ATP4B: variants seen among roughly 807,000 people sequenced by gnomAD.
ATP4B encodes the protein potassium-transporting ATPase subunit beta.
A neutral mutation model predicts 35.3 loss-of-function variants in ATP4B; 27 were observed. The ratio of observed to expected loss-of-function variants is 0.76; its 90% CI spans 0.56 to 1.05. ATP4B has a LOEUF of 1.05. Among genes scored for constraint, ATP4B ranks in the 50% least tolerant of loss-of-function variants. The probability of loss-of-function intolerance (pLI) is 0.00; values close to 1 mark genes in which losing one functional copy is unlikely to be tolerated. For missense variants in ATP4B, 375 were observed against 384.8 expected, an observed-to-expected ratio of 0.97 and a Z score of 0.21; for synonymous variants, 162 against 156.0, an observed-to-expected ratio of 1.04 and a Z score of -0.29.
At chr13:113,656,817 G>T (rs1166324982) in intron 1 of ATP4B, among the ~76,000 whole-genome samples, 1 of 152,120 alleles carries the variant, frequency 6.6e-6, no homozygotes. Context: ...CAGCCAGGAG[G>T]CGGCACATGG....
Position 113,649,300 on chromosome 13 carries a change from G to T in ATP4B, c.*74C>A, listed in dbSNP as rs2049693297. On this transcript the variant is annotated 3_prime_UTR_variant, in exon 7 of 7. Transcript: ENST00000335288. The surrounding 1 kb of genome is among the most constrained non-coding windows in gnomAD (Gnocchi z 4.7). ...GGATGATTTGGCAGGGAACTGACGGGCAAGGTAAGCCCAACCAGGAGGGTG... is the reference window on the plus strand; with the variant it reads ...GGATGATTTGGCAGGGAACTGACGGTCAAGGTAAGCCCAACCAGGAGGGTG... 1.3e-6 allele frequency: 2 copies of T among 1,504,370 alleles called. No individual in the cohort carries two copies. Among genetic ancestry groups the T allele is most frequent in the Non-Finnish European group, 8.9e-7 (1 of 1,118,020 alleles). 93.2% of individuals were successfully genotyped at this position (1,504,370 alleles called of 1,614,324 possible).
chr13:113,656,068 G>A (rs747080632), intron 1 of ATP4B, among the ~76,000 whole-genome samples: 1 of 152,262 alleles, frequency 6.6e-6, no homozygotes, highest in Admixed American at 6.5e-5. Flanking sequence ...CGGCGTTCTT[G>A]TGTGGCCACA....
rs1408249072 is a variant in ATP4B at position 113,652,547 on chromosome 13, C to T, written c.555+326G>A. 1.9e-5 allele frequency: 8 copies of T among 416,566 alleles called. No homozygotes were observed. In the East Asian group the frequency reaches 4.3e-4, roughly 23 times the overall value. 25.8% of individuals were successfully genotyped at this position (416,566 alleles called of 1,614,324 possible). On this transcript the variant is annotated intron_variant, in intron 4 of 6. Transcript: ENST00000335288. The stretch of plus-strand genomic sequence containing the variant: ...GCTAAACCCCTCCCAATCCTGACTC[C>T]AGAACTTGAGGCCCCTTTACCTGGC...
rs1218662973 is a variant in ATP4B at position 113,650,768 on chromosome 13, G to C, written c.613-261C>G. 6.6e-6 allele frequency among the ~76,000 whole-genome samples: 1 copy of C among 152,202 alleles called. No individual in the cohort carries two copies. The highest frequency in any genetic ancestry group is 1.5e-5 in the Non-Finnish European group (1 of 68,036). On this transcript the variant is annotated intron_variant, in intron 5 of 6. Transcript: ENST00000335288. The surrounding 1 kb of genome is among the most constrained non-coding windows in gnomAD (Gnocchi z 5.0). ...CTTGAAATGTTGGAAGGATGACGCA[G>C]GTGGGTGAAGCTGGGAGGCGGCTTG...
At chr13:113,651,218 T>C (rs578022917) in intron 5 of ATP4B, among the ~76,000 whole-genome samples, 1 of 152,344 alleles carries the variant, frequency 6.6e-6, no homozygotes, top group East Asian at 1.9e-4. Flanking sequence ...TTAAAAAATG[T>C]TGACTTAAAA....
rs534362591 is a variant in ATP4B at position 113,648,962 on chromosome 13, C to T, written c.*412G>A. 9.0e-5 allele frequency: 14 copies of T among 154,950 alleles called. No homozygotes were observed. Among genetic ancestry groups the T allele is most frequent in the Admixed American group, 1.9e-4 (3 of 15,984 alleles). The allele number at this position is 154,950 out of a possible 1,614,324, so 9.6% of individuals were successfully genotyped here. A position where few individuals can be genotyped will look rare whatever the true frequency, so the allele number is the denominator to read the frequency against. ...AATTCAGAATGTCATTAGTGTAAGC[C>T]GTGTTTCATATCAGTGCATTAGTAG... On this transcript the variant is annotated 3_prime_UTR_variant, in exon 7 of 7. Coordinates refer to ENST00000335288, the MANE Select transcript of ATP4B (RefSeq NM_000705.4).
In ATP4B at chr13:113,650,167, T is replaced by C. The variant is rs987568030; in HGVS notation, c.714+239A>G. Among the ~76,000 whole-genome samples, 5 of 138,490 alleles carry C rather than the reference T, an allele frequency of 3.6e-5. No homozygotes were observed. The highest frequency in any genetic ancestry group is 7.0e-5 in the Admixed American group (1 of 14,270). 90.9% of individuals were successfully genotyped at this position (138,490 alleles called of 152,430 possible). A position where few individuals can be genotyped will look rare whatever the true frequency, so the allele number is the denominator to read the frequency against. On this transcript the variant is annotated intron_variant, in intron 6 of 6. Coordinates refer to ENST00000335288, the MANE Select transcript of ATP4B (RefSeq NM_000705.4). The surrounding 1 kb of genome is among the most constrained non-coding windows in gnomAD (Gnocchi z 5.0). ...CCCTGGGTGACAGAGCAAGACTGTC[T>C]CAAAAAAAAAAAAAAAAGTTGAAGA...
chr13:113,653,961 G>A (rs1299722713), intron 2 of ATP4B, among the ~76,000 whole-genome samples: 3 of 152,200 alleles, frequency 2.0e-5, no homozygotes, highest in African/African-American at 7.2e-5. Context: ...CACAGATGCA[G>A]AAACGTGTGT....
rs1468620956 is a variant in ATP4B, at chr13:113,649,148, G to C, written c.*226C>G. ...ATGGTAGCTGGACATTCTTATAGCA[G>C]CAAATTCCATCTAAAAACTGTAAGA... On this transcript the variant is annotated 3_prime_UTR_variant, in exon 7 of 7. Coordinates refer to ENST00000335288, the MANE Select transcript of ATP4B (RefSeq NM_000705.4). This position sits in a 1 kb window ranked among gnomAD's most constrained non-coding sequence, Gnocchi z 4.7. The C allele has an allele frequency of 1.9e-5, 8 of 421,412 alleles. No homozygotes were observed. Among genetic ancestry groups the C allele is most frequent in the Non-Finnish European group, 2.9e-5 (7 of 239,072 alleles). 26.1% of individuals were successfully genotyped at this position (421,412 alleles called of 1,614,324 possible). A position where few individuals can be genotyped will look rare whatever the true frequency, so the allele number is the denominator to read the frequency against.
chr13:113,653,218 TGCTTCACACCTCACCCACCCGCC>T (rs749093021), intron 3 of ATP4B, 80 bp downstream of exon 3: 23,893 of 1,365,784 alleles, frequency 0.017, 621 homozygotes, highest in African/African-American at 0.031. Context: ...CCTCACCTGC[TGCTTCACACCTCACCCACCCGCC>T]GCTTCACACC....
chr13:113,655,740 G>A (rs2049749834), intron 1 of ATP4B, among the ~76,000 whole-genome samples: 1 of 152,242 alleles, frequency 6.6e-6, no homozygotes, highest in Non-Finnish European at 1.5e-5. Flanking sequence ...TGGAAAGTCT[G>A]TAATGAACTG....
rs368745387 is a variant in ATP4B at position 113,651,704 on chromosome 13, G to A, written c.579C>T (p.Asn193=). The change falls in exon 5 of 7, where the codon AAC becomes AAT. Residue 193 remains asparagine (N), a synonymous_variant. Transcript: ENST00000335288. ...MNRIVKFLPS[N]GSAPRVDCAF... ...CGCAGTCCACTCTGGGGGCCGAGCC[G>A]TTGCTGGGGAGGAACTTGACGATCT... is the stretch of plus-strand genomic sequence containing the variant. 210 of 1,613,790 alleles carry A rather than the reference G, an allele frequency of 1.3e-4. 1 individual carries two copies. The East Asian group carries it at 3.4e-3, about 26-fold the overall frequency.
Position 113,656,877 on chromosome 13 carries a change from GC to G in ATP4B, c.112+1155del, listed in dbSNP as rs1399469168. Among the ~76,000 whole-genome samples, 4 of 152,082 alleles carry G rather than the reference GC, an allele frequency of 2.6e-5. No homozygotes were observed. The East Asian group carries it at 7.7e-4, about 29-fold the overall frequency. ...AAAAGATGGGGCTTCCAAGGACCTGGCCGGCAGCCCCCAGCCCAGCCCCCGC... is the reference window on the plus strand; with the variant it reads ...AAAAGATGGGGCTTCCAAGGACCTGGCGGCAGCCCCCAGCCCAGCCCCCGC... On this transcript the variant is annotated intron_variant, in intron 1 of 6. Transcript: ENST00000335288.
chr13:113,654,814 C>T lies in ATP4B; in HGVS notation c.241G>A (p.Gly81Arg). ...TGGGGGCAACATCCCGGGCGCTTAC[C>T]TGGTGACCGTAGCTGGTCTTGGTAG... is the stretch of plus-strand genomic sequence containing the variant. The part of the protein sequence containing the change: ...PDYQDQLRSP[G>R]VTLRPDVYGE... Residue 81 changes from glycine (G) to arginine (R), a missense_variant and splice_region_variant, in exon 2 of 7, where the codon GGG becomes AGG. Coordinates refer to ENST00000335288, the MANE Select transcript of ATP4B (RefSeq NM_000705.4). The T allele has an allele frequency of 6.2e-7, 1 of 1,613,832 alleles. No individual in the cohort carries two copies. Among genetic ancestry groups the T allele is most frequent in the Non-Finnish European group, 8.5e-7 (1 of 1,179,842 alleles).
Position 113,652,008 on chromosome 13 carries a change from G to T in ATP4B, c.556-281C>A, listed in dbSNP as rs569166317. ...TGGCAGGAGGCAGAGCTGGGGCGGGGTGGTCTTAGCCCTCGAACCATGTCC... is the reference window on the plus strand; with the variant it reads ...TGGCAGGAGGCAGAGCTGGGGCGGGTTGGTCTTAGCCCTCGAACCATGTCC... On this transcript the variant is annotated intron_variant, in intron 4 of 6. Coordinates refer to ENST00000335288, the MANE Select transcript of ATP4B (RefSeq NM_000705.4). Among the ~76,000 whole-genome samples the T allele has an allele frequency of 7.2e-5, 11 of 152,332 alleles. No homozygotes were observed. The East Asian group carries it at 2.1e-3, about 29-fold the overall frequency.
rs553724093 is a variant in ATP4B, at chr13:113,658,013, G to A, written c.112+20C>T. 5.9e-5 allele frequency: 93 copies of A among 1,576,902 alleles called. No homozygotes were observed. Among genetic ancestry groups the A allele is most frequent in the East Asian group, 2.5e-4 (11 of 43,198 alleles). ...AGCGGCCCCCTCCATGCACCCAGCC[G>A]GCCCGCCCCCCGCACGTACCCCACC... On this transcript the variant is annotated intron_variant, in intron 1 of 6. Transcript: ENST00000335288.
intron 1 of ATP4B, among the ~76,000 whole-genome samples, chr13:113,657,793 C>T (rs148730541): frequency 1.6e-4 from 24 of 152,380 alleles, no homozygotes; most frequent in South Asian, 4.1e-4. Flanking sequence ...CTGTGGACGC[C>T]CTCCACCGGC....
chr13:113,652,172 G>A (rs908884795), intron 4 of ATP4B, among the ~76,000 whole-genome samples: 1 of 152,148 alleles, frequency 6.6e-6, no homozygotes, highest in Non-Finnish European at 1.5e-5. Context: ...TCCAGCCCCA[G>A]CCATCCCCTG....
rs200781593 is a variant in ATP4B at position 113,654,808 on chromosome 13, G to T, written c.241+6C>A. On this transcript the variant is annotated splice_donor_region_variant and intron_variant, in intron 2 of 6. Coordinates refer to ENST00000335288, the MANE Select transcript of ATP4B (RefSeq NM_000705.4). ...ACGGCATGGGGGCAACATCCCGGGC[G>T]CTTACCTGGTGACCGTAGCTGGTCT... 1.9e-6 allele frequency: 3 copies of T among 1,613,258 alleles called. No homozygotes were observed. Among genetic ancestry groups the T allele is most frequent in the African/African-American group, 2.7e-5 (2 of 74,918 alleles).
Sources: allele counts gnomAD v4.1 joint callset (sites outside exome capture counted in the v4.1 genomes callset), GRCh38; gene constraint gnomAD v4.1.1; non-coding constraint Gnocchi (gnomAD v3.1); transcripts MANE v1.5; gene names NCBI Gene and HGNC (gene_info 2026-07-23, HGNC 2026-07-21).